TSPAN18: variants seen among roughly 807,000 people sequenced by gnomAD.
TSPAN18 encodes tetraspanin 18.
In TSPAN18, 14 loss-of-function variants were observed where a neutral mutation model predicts 27.3. That is an observed-to-expected ratio of 0.51 (90% CI 0.34 to 0.80). The LOEUF is 0.80. TSPAN18 is among the 30% of genes least tolerant of loss of function. TSPAN18 has a pLI of 0.01. For synonymous variants in TSPAN18, 143 were observed against 136.5 expected, an observed-to-expected ratio of 1.05 and a Z score of -0.33; for missense variants, 268 against 323.9, an observed-to-expected ratio of 0.83 and a Z score of 1.32.
chr11:44,823,161 C>T (rs1856963079), intron 2 of TSPAN18, among the ~76,000 whole-genome samples: 2 of 152,226 alleles, frequency 1.3e-5, no homozygotes, highest in South Asian at 4.1e-4. Context: ...GCAACGCCCC[C>T]CCACTGCCCA....
At chr11:44,878,712 T>A (rs749165296) in intron 3 of TSPAN18, among the ~76,000 whole-genome samples, 3 of 152,196 alleles carry the variant, frequency 2.0e-5, no homozygotes, top group Non-Finnish European at 4.4e-5. Context: ...TTAAAATATG[T>A]GGTATATTTT....
chr11:44,918,971 C>T (rs1387568057), intron 6 of TSPAN18, among the ~76,000 whole-genome samples: 4 of 151,800 alleles, frequency 2.6e-5, no homozygotes, highest in African/African-American at 9.7e-5. Flanking sequence ...GAGTGAGGTC[C>T]TCAGCGTGCC....
At position 44,919,776 on chromosome 11, in the gene TSPAN18, T is replaced by A. The variant is rs371753655; in HGVS notation, c.433-41T>A. The A allele has an allele frequency of 2.1e-5, 33 of 1,604,978 alleles. No homozygotes were observed. The African/African-American group carries it at 3.2e-4, about 16-fold the overall frequency. On this transcript the variant is annotated intron_variant, in intron 7 of 9. Coordinates refer to ENST00000520358, the MANE Select transcript of TSPAN18 (RefSeq NM_130783.5). Reference sequence around the variant, plus strand: ...CTTCTCTGTCCCCGCCCCTGTGTCCTCCTCCTGCCCACCAGAACCTTCTCT... The same window carrying A: ...CTTCTCTGTCCCCGCCCCTGTGTCCACCTCCTGCCCACCAGAACCTTCTCT...
intron 3 of TSPAN18, among the ~76,000 whole-genome samples, chr11:44,862,223 GGCAGCCCT>G (rs1230604933): frequency 2.6e-5 from 4 of 152,232 alleles, no homozygotes; most frequent in African/African-American, 9.6e-5. Context: ...AGGCCAGCCT[GGCAGCCCT>G]GCTGCCCTCC....
At chr11:44,772,383 A>G (rs2134919520) in intron 2 of TSPAN18, among the ~76,000 whole-genome samples, 1 of 152,170 alleles carries the variant, frequency 6.6e-6, no homozygotes, top group South Asian at 2.1e-4. Flanking sequence ...ATTTTTGTGA[A>G]CTTTGTATGT....
intron 3 of TSPAN18, chr11:44,903,796 A>G (rs771695258): frequency 1.2e-5 from 5 of 418,742 alleles, no homozygotes; most frequent in African/African-American, 9.3e-5. Context: ...TTGTCCTTCC[A>G]AGCTGGATTG....
chr11:44,914,506 C>T (rs1344217281), intron 5 of TSPAN18, among the ~76,000 whole-genome samples: 3 of 152,182 alleles, frequency 2.0e-5, no homozygotes, highest in African/African-American at 7.2e-5. Context: ...TGCCTAAGCA[C>T]TCTATAAATG....
chr11:44,728,023 C>G (rs1854559021), intron 1 of TSPAN18, among the ~76,000 whole-genome samples: 1 of 152,236 alleles, frequency 6.6e-6, no homozygotes, highest in Non-Finnish European at 1.5e-5. Flanking sequence ...AGGGGGCGCA[C>G]TGCCCCGGCC....
intron 3 of TSPAN18, among the ~76,000 whole-genome samples, chr11:44,874,357 C>G (rs140481283): frequency 6.6e-6 from 1 of 152,190 alleles, no homozygotes; most frequent in South Asian, 2.1e-4. Context: ...GTGCCTTTGC[C>G]TCTGGGCAAA....
intron 2 of TSPAN18, among the ~76,000 whole-genome samples, chr11:44,799,798 T>A (rs913652710): frequency 6.6e-6 from 1 of 152,190 alleles, no homozygotes; most frequent in Non-Finnish European, 1.5e-5. Context: ...GAGCTGCTCT[T>A]AACAACCCAT....
At chr11:44,827,415 A>ACCCAAG (rs1857067023) in intron 2 of TSPAN18, among the ~76,000 whole-genome samples, 1 of 152,134 alleles carries the variant, frequency 6.6e-6, no homozygotes, top group Non-Finnish European at 1.5e-5. Flanking sequence ...GGTGTGCCCT[A>ACCCAAG]CCCAAGCCCA....
chr11:44,769,244 T>G (rs895182795), intron 2 of TSPAN18, among the ~76,000 whole-genome samples: 1 of 152,184 alleles, frequency 6.6e-6, no homozygotes, highest in African/African-American at 2.4e-5. Context: ...CTGGAATAAA[T>G]CTCACCTGAT....
At chr11:44,918,910 G>A (rs1463941957) in intron 6 of TSPAN18, among the ~76,000 whole-genome samples, 1 of 151,754 alleles carries the variant, frequency 6.6e-6, no homozygotes, top group Non-Finnish European at 1.5e-5. Flanking sequence ...GTGGGGTGAG[G>A]TGCAAACTCC....
At chr11:44,752,122 G>A (rs962771028) in intron 1 of TSPAN18, among the ~76,000 whole-genome samples, 1 of 152,154 alleles carries the variant, frequency 6.6e-6, no homozygotes, top group African/African-American at 2.4e-5. Flanking sequence ...CATTCAAGCT[G>A]AAGTGTCACA....
chr11:44,824,812 C>G (rs1290276221), intron 2 of TSPAN18, among the ~76,000 whole-genome samples: 1 of 152,196 alleles, frequency 6.6e-6, no homozygotes, highest in Non-Finnish European at 1.5e-5. Context: ...AAAGGAGAGA[C>G]TGTGTGTCTG....
intron 4 of TSPAN18, 115 bp from the exon 5 acceptor site, chr11:44,909,590 A>C: frequency 9.5e-7 from 1 of 1,049,914 alleles, no homozygotes; most frequent in Non-Finnish European, 1.4e-6. Flanking sequence ...TGCCTGGCTC[A>C]CCTAGTGCTT....
intron 2 of TSPAN18, among the ~76,000 whole-genome samples, chr11:44,810,970 A>G (rs1856700859): frequency 6.6e-6 from 1 of 152,170 alleles, no homozygotes; most frequent in African/African-American, 2.4e-5. Context: ...AGGCAGAAGC[A>G]TGTTACACTG....
chr11:44,892,273 C>G (rs1383848295), intron 3 of TSPAN18, among the ~76,000 whole-genome samples: 2 of 152,206 alleles, frequency 1.3e-5, no homozygotes, highest in Non-Finnish European at 2.9e-5. Context: ...CTGCTGGGCT[C>G]ACATGACAGG....
intron 3 of TSPAN18, among the ~76,000 whole-genome samples, chr11:44,893,170 T>A (rs962257285): frequency 6.6e-6 from 1 of 152,212 alleles, no homozygotes. Flanking sequence ...AAAGGGCTGG[T>A]GGCAGGGACA....
Sources: allele counts gnomAD v4.1 joint callset (sites outside exome capture counted in the v4.1 genomes callset), GRCh38; gene constraint gnomAD v4.1.1; transcripts MANE v1.5; gene names NCBI Gene and HGNC (gene_info 2026-07-23, HGNC 2026-07-21).